KRABD3: variants seen among roughly 807,000 people sequenced by gnomAD.
KRABD3 encodes the protein KRAB domain containing 3, also known as KRAB domain-containing protein 3.
the KRABD3 span, chr7:149,729,217 C>A: frequency 6.3e-7 from 1 of 1,575,440 alleles, no homozygotes; most frequent in Non-Finnish European, 8.6e-7. Flanking sequence ...CGAGTCAGCC[C>A]GTCTCGGGCA....
chr7:149,732,968 G>A, the KRABD3 span, among the ~76,000 whole-genome samples: 1 of 152,200 alleles, frequency 6.6e-6, no homozygotes, highest in African/African-American at 2.4e-5. This position sits in a 1 kb window ranked among gnomAD's most constrained non-coding sequence, Gnocchi z 4.0. Flanking sequence ...GGTTACCACG[G>A]AAACCCAACC....
At chr7:149,716,985 A>T in the KRABD3 span, among the ~76,000 whole-genome samples, 35 of 152,330 alleles carry the variant, frequency 2.3e-4, no homozygotes, top group African/African-American at 8.2e-4. Flanking sequence ...CATAACTAGT[A>T]TGAAACAAGG....
At chr7:149,715,182 C>T in the KRABD3 span, 1 of 1,224,528 alleles carries the variant, frequency 8.2e-7, no homozygotes. Flanking sequence ...GCTGGGCAGG[C>T]CTGATGCTCA....
the KRABD3 span, chr7:149,731,548 C>T: frequency 4.9e-5 from 40 of 809,914 alleles, no homozygotes; most frequent in Middle Eastern, 2.4e-4. Flanking sequence ...GCCAAGTTTC[C>T]GTCTTCTATC....
At chr7:149,723,998 C>A in the KRABD3 span, 4 of 1,238,242 alleles carry the variant, frequency 3.2e-6, no homozygotes, top group South Asian at 1.4e-5. Flanking sequence ...CCCATATTGG[C>A]CTGTCGGGAA....
At chr7:149,727,344 C>T in the KRABD3 span, among the ~76,000 whole-genome samples, 2 of 152,362 alleles carry the variant, frequency 1.3e-5, no homozygotes, top group South Asian at 4.1e-4. Flanking sequence ...TTCCCAAGCC[C>T]CACTATGGGT....
At chr7:149,730,158 A>G in the KRABD3 span, 3 of 1,532,364 alleles carry the variant, frequency 2.0e-6, no homozygotes, top group Non-Finnish European at 2.6e-6. Flanking sequence ...GTCTGCCCCC[A>G]AGCCCTCCCC....
the KRABD3 span, chr7:149,722,558 G>C: frequency 6.2e-7 from 1 of 1,608,322 alleles, no homozygotes; most frequent in Non-Finnish European, 8.5e-7. Context: ...AGGCCGGTGA[G>C]AGGCGGGCTT....
chr7:149,715,724 T>A, the KRABD3 span, among the ~76,000 whole-genome samples: 2 of 152,146 alleles, frequency 1.3e-5, no homozygotes, highest in Admixed American at 1.3e-4. Context: ...GGGGGCAGCG[T>A]GTGACTAGGC....
the KRABD3 span, chr7:149,729,596 T>C: frequency 1.0e-6 from 1 of 985,430 alleles, no homozygotes; most frequent in African/African-American, 1.7e-5. Flanking sequence ...TTTGTGTCCA[T>C]CCATTGGGTT....
chr7:149,716,280 G>A, the KRABD3 span, among the ~76,000 whole-genome samples: 18 of 152,350 alleles, frequency 1.2e-4, no homozygotes, highest in African/African-American at 4.1e-4. Flanking sequence ...CGGTGGAAGG[G>A]TGATGTTAGG....
At chr7:149,727,252 C>T in the KRABD3 span, among the ~76,000 whole-genome samples, 1 of 152,232 alleles carries the variant, frequency 6.6e-6, no homozygotes, top group Non-Finnish European at 1.5e-5. Context: ...GAACAGGCCT[C>T]TCACAGCAGC....
the KRABD3 span, chr7:149,723,726 T>C: frequency 1.3e-6 from 2 of 1,533,934 alleles, no homozygotes; most frequent in Admixed American, 1.8e-5. Flanking sequence ...ATGTTCCTTT[T>C]TCCTTAGTGA....
the KRABD3 span, among the ~76,000 whole-genome samples, chr7:149,731,232 C>A: frequency 1.3e-5 from 2 of 152,164 alleles, no homozygotes; most frequent in Non-Finnish European, 2.9e-5. Flanking sequence ...GGGAGCTCTC[C>A]CCAACTCCTG....
chr7:149,731,148 GAGGAGGGAGAAGCAGTGGTAGA>G, the KRABD3 span, among the ~76,000 whole-genome samples: 2 of 152,296 alleles, frequency 1.3e-5, no homozygotes, highest in East Asian at 1.9e-4. Context: ...GGACGAGGAC[GAGGAGGGAGAAGCAGTGGTAGA>G]AGGAGGGAGA....
the KRABD3 span, chr7:149,723,487 TC>T: frequency 2.7e-5 from 14 of 511,074 alleles, no homozygotes; most frequent in East Asian, 4.4e-4. Flanking sequence ...ACAGCCCACT[TC>T]CTTCAATTTG....
the KRABD3 span, chr7:149,724,965 C>G: frequency 2.3e-6 from 2 of 885,928 alleles, no homozygotes; most frequent in Non-Finnish European, 3.3e-6. Flanking sequence ...CCTGGCCTTT[C>G]TTCCCAAGCA....
At chr7:149,720,662 A>G in the KRABD3 span, among the ~76,000 whole-genome samples, 1 of 152,234 alleles carries the variant, frequency 6.6e-6, no homozygotes, top group East Asian at 1.9e-4. Context: ...CCTTGGCCAG[A>G]GCGCCTGGCC....
the KRABD3 span, chr7:149,715,077 C>A: frequency 1.6e-6 from 2 of 1,230,578 alleles, no homozygotes; most frequent in Non-Finnish European, 2.0e-6. Context: ...GTAAGGCAGG[C>A]GGACGCGCGG....
Sources: gnomAD v4.1 joint callset for allele counts (sites outside exome capture counted in the v4.1 genomes callset) on GRCh38, gnomAD v4.1.1 for gene constraint, Gnocchi (gnomAD v3.1) non-coding constraint, MANE v1.5 for transcripts, NCBI Gene and HGNC (gene_info 2026-07-23, HGNC 2026-07-21) for gene names.